Variants in CDK14 observed in about 807,000 individuals in gnomAD.
The protein encoded by CDK14 is cyclin-dependent kinase 14.
CDK14 carries 34 observed loss-of-function variants against 60.7 expected under a neutral mutation model. The ratio of observed to expected loss-of-function variants is 0.56; its 90% CI spans 0.43 to 0.75. The LOEUF is 0.75. CDK14 is among the 30% of genes least tolerant of loss of function. The pLI is 0.00. For synonymous variants in CDK14, 197 were observed against 203.7 expected (o/e 0.97, Z 0.28); for missense variants, 482 against 564.1 (o/e 0.85, Z 1.47).
At chr7:90,998,515 G>A (rs1000486436) in intron 10 of CDK14, among the ~76,000 whole-genome samples, 1 of 152,190 alleles carries the variant, frequency 6.6e-6, no homozygotes, top group Non-Finnish European at 1.5e-5. Context: ...CAGTTTTATG[G>A]AAACTGTGGT....
chr7:90,698,067 C>CAAAAAAAAAAAAAAAAAAA (rs71104484), intron 2 of CDK14, among the ~76,000 whole-genome samples: 27 of 75,682 alleles, frequency 3.6e-4, no homozygotes, highest in East Asian at 9.6e-4. Context: ...GACTCTGTCT[C>CAAAAAAAAAAAAAAAAAAA]AAAAAAAAAA....
At chr7:91,099,652 C>A (rs1455401375) in intron 12 of CDK14, among the ~76,000 whole-genome samples, 1 of 152,052 alleles carries the variant, frequency 6.6e-6, no homozygotes, top group Non-Finnish European at 1.5e-5. Flanking sequence ...TCACAGCAGT[C>A]CTGTGAAGTA....
At chr7:90,639,131 C>T (rs948927777) in intron 2 of CDK14, among the ~76,000 whole-genome samples, 12 of 152,344 alleles carry the variant, frequency 7.9e-5, no homozygotes, top group East Asian at 5.8e-4. Context: ...TCTCTCAACT[C>T]GTCAAAGTCA....
chr7:90,978,699 T>G (rs1406077402), intron 9 of CDK14, among the ~76,000 whole-genome samples: 2 of 152,132 alleles, frequency 1.3e-5, no homozygotes, highest in African/African-American at 4.8e-5. Flanking sequence ...TCCACATATT[T>G]TCTCCTAATT....
intron 2 of CDK14, among the ~76,000 whole-genome samples, chr7:90,635,143 T>A (rs62471810): frequency 0.18 from 27,492 of 152,014 alleles, 2,592 homozygotes; most frequent in Middle Eastern, 0.21. Context: ...TTTAATTAGA[T>A]CCCATTTGTC....
intron 5 of CDK14, among the ~76,000 whole-genome samples, chr7:90,796,901 C>T (rs1788455388): frequency 6.6e-6 from 1 of 151,820 alleles, no homozygotes; most frequent in Non-Finnish European, 1.5e-5. Flanking sequence ...TGAGTGAAAA[C>T]AGAGTCAGTT....
At chr7:90,636,189 G>T (rs965011278) in intron 2 of CDK14, among the ~76,000 whole-genome samples, 1 of 151,898 alleles carries the variant, frequency 6.6e-6, no homozygotes, top group Admixed American at 6.6e-5. Context: ...GGAGTGGTGA[G>T]AGAGGGCATC....
chr7:90,803,200 C>G (rs943809086), intron 5 of CDK14, among the ~76,000 whole-genome samples: 11 of 151,660 alleles, frequency 7.3e-5, no homozygotes, highest in African/African-American at 2.2e-4. Context: ...TATTTAATCT[C>G]CTGCCTGGAA....
chr7:90,758,704 A>G (rs191677196), intron 4 of CDK14, among the ~76,000 whole-genome samples: 2 of 152,350 alleles, frequency 1.3e-5, no homozygotes, highest in Non-Finnish European at 2.9e-5. Context: ...ACAAATACAT[A>G]AGTAATTCTA....
chr7:90,780,434 TA>T (rs1390054315), intron 4 of CDK14, among the ~76,000 whole-genome samples: 2 of 151,484 alleles, frequency 1.3e-5, no homozygotes, highest in African/African-American at 4.8e-5. Context: ...TTTATTTTAT[TA>T]TTATTATACT....
At chr7:90,814,737 C>A (rs1789280886) in intron 5 of CDK14, among the ~76,000 whole-genome samples, 1 of 152,196 alleles carries the variant, frequency 6.6e-6, no homozygotes, top group African/African-American at 2.4e-5. Context: ...GATTGTGCCA[C>A]TGCACTCCAG....
At chr7:90,972,733 T>C (rs1485498247) in intron 9 of CDK14, among the ~76,000 whole-genome samples, 1 of 152,240 alleles carries the variant, frequency 6.6e-6, no homozygotes, top group African/African-American at 2.4e-5. Flanking sequence ...TCTGTTTCTT[T>C]GTTGTTCCTT....
At chr7:91,009,124 T>C (rs1315091688) in intron 10 of CDK14, among the ~76,000 whole-genome samples, 1 of 152,192 alleles carries the variant, frequency 6.6e-6, no homozygotes, top group African/African-American at 2.4e-5. Context: ...TTATCTACTT[T>C]TGATTTTTGC....
intron 12 of CDK14, among the ~76,000 whole-genome samples, chr7:91,081,237 C>T (rs1473748116): frequency 1.3e-5 from 2 of 152,174 alleles, no homozygotes; most frequent in African/African-American, 4.8e-5. Context: ...GATTCTTCCT[C>T]CAAATGGTCC....
chr7:91,174,013 C>CTG (rs1381598062), intron 14 of CDK14, among the ~76,000 whole-genome samples: 212 of 152,278 alleles, frequency 1.4e-3, no homozygotes, highest in Middle Eastern at 6.8e-3. Flanking sequence ...AGGGCACAGA[C>CTG]AAACAAAAAG....
intron 8 of CDK14, among the ~76,000 whole-genome samples, chr7:90,933,257 G>A (rs879475936): frequency 2.7e-5 from 4 of 149,130 alleles, no homozygotes; most frequent in Non-Finnish European, 5.9e-5. Flanking sequence ...GCCAGCCCAG[G>A]TGACAGAGTG....
chr7:90,734,481 C>T (rs577854686), intron 3 of CDK14, among the ~76,000 whole-genome samples: 4 of 152,248 alleles, frequency 2.6e-5, no homozygotes, highest in East Asian at 3.9e-4. Context: ...CTCACAGTCC[C>T]GTATTTCTTG....
chr7:90,926,415 G>A (rs1296227358), intron 8 of CDK14, among the ~76,000 whole-genome samples: 2 of 152,192 alleles, frequency 1.3e-5, no homozygotes. Context: ...GGTAATTTAA[G>A]GAATCACCCT....
chr7:91,010,118 A>C (rs899189564), intron 10 of CDK14, among the ~76,000 whole-genome samples: 4 of 152,134 alleles, frequency 2.6e-5, no homozygotes, highest in African/African-American at 9.6e-5. Flanking sequence ...AAGTATTCAT[A>C]GACTGTTTCA....
Sources: gnomAD v4.1 joint callset for allele counts (sites outside exome capture counted in the v4.1 genomes callset) on GRCh38, gnomAD v4.1.1 for gene constraint, MANE v1.5 for transcripts, NCBI Gene and HGNC (gene_info 2026-07-23, HGNC 2026-07-21) for gene names.